Variants in FOXP2 observed in about 807,000 individuals in gnomAD.
FOXP2 encodes forkhead box protein P2.
Under a neutral mutation model 115.8 loss-of-function variants are expected in FOXP2, and 12 were observed. The observed-to-expected ratio is 0.10, with a 90% CI of 0.07 to 0.17. FOXP2 has a LOEUF of 0.17. Among genes scored for constraint, FOXP2 ranks in the 10% least tolerant of loss-of-function variants. The pLI, the probability that FOXP2 is intolerant of heterozygous loss-of-function variation, is 1.00. For synonymous variants in FOXP2, 328 were observed against 297.7 expected (o/e 1.10, Z -1.05); for missense variants, 629 against 843.5 (o/e 0.75, Z 3.15).
chr7:114,462,408 G>T (rs1313613694), intron 2 of FOXP2, among the ~76,000 whole-genome samples: 2 of 113,462 alleles, frequency 1.8e-5, no homozygotes, highest in Non-Finnish European at 3.3e-5. Flanking sequence ...GTCTTGCTCA[G>T]TCGCCCAGGC....
chr7:114,634,278 T>C (rs1311683690), intron 6 of FOXP2, among the ~76,000 whole-genome samples: 1 of 152,090 alleles, frequency 6.6e-6, no homozygotes, highest in Non-Finnish European at 1.5e-5. Context: ...TTACAGGCAT[T>C]AGCCACTGTG....
chr7:114,571,753 G>C (rs1028619567), intron 3 of FOXP2, among the ~76,000 whole-genome samples: 2 of 151,788 alleles, frequency 1.3e-5, no homozygotes, highest in African/African-American at 4.8e-5. Context: ...AAGTATACAG[G>C]AGGATGTGCA....
chr7:114,251,350 T>A (rs1471729467), intron 1 of FOXP2, among the ~76,000 whole-genome samples: 3 of 152,232 alleles, frequency 2.0e-5, no homozygotes, highest in Admixed American at 2.0e-4. Context: ...ATTGGTAGCT[T>A]GATGGGGATG....
chr7:114,600,173 T>C (rs1802945743), intron 3 of FOXP2, among the ~76,000 whole-genome samples: 1 of 152,194 alleles, frequency 6.6e-6, no homozygotes, highest in Non-Finnish European at 1.5e-5. Context: ...TTCCACCTTA[T>C]TGTTCCATCT....
intron 1 of FOXP2, among the ~76,000 whole-genome samples, chr7:114,249,428 C>A (rs1245726281): frequency 6.6e-6 from 1 of 151,510 alleles, no homozygotes; most frequent in African/African-American, 2.4e-5. Context: ...GGTGTTCTCA[C>A]TGTTCAGCTC....
rs1427995288 is a variant in FOXP2, at chr7:114,582,504, T to C, written c.259-46036T>C. 4.6e-5 allele frequency among the ~76,000 whole-genome samples: 7 copies of C among 152,322 alleles called. No homozygotes were observed. In the East Asian group the frequency reaches 1.4e-3, roughly 29 times the overall value. ...ATATTTGTTATATTTGATGATATTA[T>C]TAGCTAAGAGAATAACTGCTCATTA... On this transcript the variant is annotated intron_variant, in intron 3 of 16. Coordinates refer to ENST00000350908, the MANE Select transcript of FOXP2 (RefSeq NM_014491.4).
intron 3 of FOXP2, among the ~76,000 whole-genome samples, chr7:114,619,175 G>T (rs1563038331): frequency 1.3e-5 from 2 of 152,124 alleles, no homozygotes; most frequent in African/African-American, 2.4e-5. Context: ...CATTCATAAA[G>T]AATAACATTA....
chr7:114,426,602 A>G lies in FOXP2; in HGVS notation c.91A>G (p.Ser31Gly), dbSNP rs774408585. 1 of 1,611,754 alleles carries G rather than the reference A, an allele frequency of 6.2e-7. No homozygotes were observed. Among genetic ancestry groups the G allele is most frequent in the Non-Finnish European group, 8.5e-7 (1 of 1,178,424 alleles). ...STLSSQLDAG[S>G]RDGRSSGDTS... ...TCTAAGCAGCCAATTAGATGCTGGC[A>G]GCAGAGATGGAAGATCAAGTGGTGA... The change falls in exon 2 of 17, where the codon AGC (serine) becomes GGC (glycine). Residue 31 changes from serine (S) to glycine (G), a missense_variant. This residue lies in a region of FOXP2 where 91 missense variants were observed against 98.3 expected (regional missense o/e 0.93). Coordinates refer to ENST00000350908, the MANE Select transcript of FOXP2 (RefSeq NM_014491.4).
At chr7:114,378,338 A>G (rs1010181304) in intron 2 of FOXP2, among the ~76,000 whole-genome samples, 4 of 152,090 alleles carry the variant, frequency 2.6e-5, no homozygotes, top group Non-Finnish European at 5.9e-5. Context: ...GCCCTGAATT[A>G]GGCTTCCTGC....
chr7:114,555,613 A>C (rs1800416293), intron 3 of FOXP2, among the ~76,000 whole-genome samples: 1 of 152,086 alleles, frequency 6.6e-6, no homozygotes, highest in African/African-American at 2.4e-5. Context: ...CCTGACCAAC[A>C]TGGTGAAACC....
At chr7:114,292,565 G>A (rs1796633709) in intron 2 of FOXP2, among the ~76,000 whole-genome samples, 1 of 152,042 alleles carries the variant, frequency 6.6e-6, no homozygotes, top group Non-Finnish European at 1.5e-5. Context: ...CTTTGTCAAT[G>A]TACATCTTTC....
chr7:114,096,500 A>G (rs1465223765), intron 1 of FOXP2, among the ~76,000 whole-genome samples: 1 of 152,194 alleles, frequency 6.6e-6, no homozygotes, highest in Non-Finnish European at 1.5e-5. Flanking sequence ...TCCGATGTTC[A>G]AAATATTCTA....
chr7:114,498,511 ATTAACT>A (rs1797423425), intron 2 of FOXP2, among the ~76,000 whole-genome samples: 1 of 152,170 alleles, frequency 6.6e-6, no homozygotes. Context: ...ATAGGAAACT[ATTAACT>A]TTAAAGAGCC....
In FOXP2 at chr7:114,691,256, C is replaced by G; in HGVS notation, c.*1330C>G. Reference sequence around the variant, plus strand: ...TTGTTGTGTACTATTTTTTTATAGTCTTAAGTTATAATGAAAAAACAAAAA... The same window carrying G: ...TTGTTGTGTACTATTTTTTTATAGTGTTAAGTTATAATGAAAAAACAAAAA... On this transcript the variant is annotated 3_prime_UTR_variant, in exon 17 of 17. Coordinates refer to ENST00000350908, the MANE Select transcript of FOXP2 (RefSeq NM_014491.4). The G allele has an allele frequency of 2.2e-6, 1 of 452,148 alleles. No homozygotes were observed. Among genetic ancestry groups the G allele is most frequent in the South Asian group, 1.6e-5 (1 of 63,970 alleles). 28.0% of individuals were successfully genotyped at this position (452,148 alleles called of 1,614,324 possible).
rs559736073 is a variant in FOXP2 at position 114,570,942 on chromosome 7, C to A, written c.258+36236C>A. 5.1e-6 allele frequency: 7 copies of A among 1,376,608 alleles called. No individual in the cohort carries two copies. The South Asian group carries it at 5.8e-5, about 11-fold the overall frequency. 85.3% of individuals were successfully genotyped at this position (1,376,608 alleles called of 1,614,324 possible). A position where few individuals can be genotyped will look rare whatever the true frequency, so the allele number is the denominator to read the frequency against. On this transcript the variant is annotated intron_variant, in intron 3 of 16. Transcript: ENST00000350908. ...AGGCACAAGGCCATGGACCCAGTCC[C>A]ACTAAATAGATTATATGTGATTTTC... is the stretch of plus-strand genomic sequence containing the variant.
chr7:114,377,814 T>G (rs889679552), intron 2 of FOXP2, among the ~76,000 whole-genome samples: 2 of 152,226 alleles, frequency 1.3e-5, no homozygotes, highest in Non-Finnish European at 2.9e-5. Flanking sequence ...GTTTAGTGGA[T>G]TCACATTGTT....
intron 3 of FOXP2, among the ~76,000 whole-genome samples, chr7:114,563,938 C>CT (rs1298258170): frequency 6.6e-6 from 1 of 152,030 alleles, no homozygotes; most frequent in South Asian, 2.1e-4. Context: ...ATTGGGTATC[C>CT]TTTTTTCATG....
chr7:114,136,462 A>G (rs1468123742), intron 1 of FOXP2, among the ~76,000 whole-genome samples: 1 of 152,028 alleles, frequency 6.6e-6, no homozygotes, highest in African/African-American at 2.4e-5. Flanking sequence ...CTAGAATTTG[A>G]TTATCTTTGC....
intron 3 of FOXP2, among the ~76,000 whole-genome samples, chr7:114,546,050 A>G (rs912379228): frequency 2.6e-5 from 4 of 152,176 alleles, no homozygotes; most frequent in African/African-American, 9.7e-5. Flanking sequence ...CTGGCCCATC[A>G]TAGGTTTTCC....
Sources: gnomAD v4.1 joint callset for allele counts (sites outside exome capture counted in the v4.1 genomes callset) on GRCh38, gnomAD v4.1.1 for gene constraint, gnomAD v4.1.1 regional missense constraint, MANE v1.5 for transcripts, NCBI Gene and HGNC (gene_info 2026-07-23, HGNC 2026-07-21) for gene names.